Variants in ARNT observed in about 807,000 individuals in gnomAD.
ARNT encodes aryl hydrocarbon receptor nuclear translocator, also known as class E basic helix-loop-helix protein 2.
A neutral mutation model predicts 105.0 loss-of-function variants in ARNT; 30 were observed. That is an observed-to-expected ratio of 0.29 (90% CI 0.21 to 0.39). ARNT has a LOEUF of 0.39. ARNT is among the 10% of genes least tolerant of loss of function. The pLI, the probability that ARNT is intolerant of heterozygous loss-of-function variation, is 1.00. For synonymous variants in ARNT, 304 were observed against 344.0 expected (o/e 0.88, Z 1.29); for missense variants, 748 against 978.7 (o/e 0.76, Z 3.15).
intron 1 of ARNT, among the ~76,000 whole-genome samples, chr1:150,871,907 C>A (rs77495541): frequency 3.3e-3 from 131 of 40,042 alleles, no homozygotes; most frequent in Admixed American, 4.0e-3. Flanking sequence ...GACCCTGTCT[C>A]AAAAAAAAAA....
intron 1 of ARNT, among the ~76,000 whole-genome samples, chr1:150,875,659 G>A (rs1478265695): frequency 6.6e-6 from 1 of 152,200 alleles, no homozygotes; most frequent in African/African-American, 2.4e-5. Context: ...TAACATAGAG[G>A]AAAGAGGGCT....
At chr1:150,873,077 G>T (rs1201910117) in intron 1 of ARNT, among the ~76,000 whole-genome samples, 1 of 151,990 alleles carries the variant, frequency 6.6e-6, no homozygotes. Context: ...AAGGTCAGGA[G>T]ATCGAGACCA....
chr1:150,816,937 TATA>T, intron 17 of ARNT, 47 bp from the exon 18 acceptor site: 2 of 1,602,998 alleles, frequency 1.2e-6, no homozygotes, highest in African/African-American at 1.3e-5. Flanking sequence ...GGGGCTGTAG[TATA>T]TTAGTTCAGC....
At chr1:150,850,260 C>A (rs1249683588) in intron 3 of ARNT, among the ~76,000 whole-genome samples, 1 of 151,584 alleles carries the variant, frequency 6.6e-6, no homozygotes. Context: ...TCTCCATCTC[C>A]CTCTCCCCAC....
At chr1:150,830,631 C>A (rs1659197187) in intron 10 of ARNT, among the ~76,000 whole-genome samples, 1 of 152,106 alleles carries the variant, frequency 6.6e-6, no homozygotes, top group African/African-American at 2.4e-5. Context: ...ATGTTATAGG[C>A]AGAAAATTTA....
At position 150,832,315 on chromosome 1, in the gene ARNT, T is replaced by A. The variant is rs958122334; in HGVS notation, c.869+19A>T. 7 of 1,613,934 alleles carry A rather than the reference T, an allele frequency of 4.3e-6. No homozygotes were observed. The African/African-American group carries it at 9.3e-5, about 22-fold the overall frequency. ...AGGTATTTGGCCATCCCTTTGGTTT[T>A]CACCACTTAGGATCTCACCTGCATC... On this transcript the variant is annotated intron_variant, in intron 9 of 21. Transcript: ENST00000358595.
intron 2 of ARNT, among the ~76,000 whole-genome samples, chr1:150,853,442 C>T (rs1015381216): frequency 3.9e-5 from 6 of 152,096 alleles, no homozygotes; most frequent in East Asian, 1.9e-4. Context: ...AAAAAATTAA[C>T]GTAAATAATT....
chr1:150,817,254 A>G, intron 16 of ARNT, 52 bp from the exon 17 acceptor site: 2 of 1,612,670 alleles, frequency 1.2e-6, no homozygotes, highest in Non-Finnish European at 1.7e-6. Flanking sequence ...ATGACAATTC[A>G]ATAACCCTAA....
At chr1:150,830,100 T>C (rs1246029197) in intron 10 of ARNT, 120 bp from the exon 11 acceptor site, 2 of 1,121,008 alleles carry the variant, frequency 1.8e-6, no homozygotes, top group Admixed American at 4.5e-5. Context: ...GGCTGACGCC[T>C]GTAATCCCAA....
Position 150,829,889 on chromosome 1 carries a change from A to G in ARNT, c.1032+15T>C, listed in dbSNP as rs775388830. ...TAATTGAACGGGAATATAGATGTGG[A>G]AAATTCATACTTGCCTGCAATCTGC... is the stretch of plus-strand genomic sequence containing the variant. On this transcript the variant is annotated intron_variant, in intron 11 of 21. Coordinates refer to ENST00000358595, the MANE Select transcript of ARNT (RefSeq NM_001668.4). 6.2e-7 allele frequency: 1 copy of G among 1,614,058 alleles called. No homozygotes were observed. The highest frequency in any genetic ancestry group is 8.5e-7 in the Non-Finnish European group (1 of 1,179,880).
intron 3 of ARNT, among the ~76,000 whole-genome samples, chr1:150,850,311 A>G (rs899806275): frequency 2.1e-4 from 32 of 150,950 alleles, no homozygotes; most frequent in African/African-American, 6.6e-4. Context: ...CTCTCTTTCC[A>G]CGGTCTCCCT....
intron 1 of ARNT, among the ~76,000 whole-genome samples, chr1:150,863,141 A>G (rs1186863108): frequency 6.6e-6 from 1 of 151,894 alleles, no homozygotes; most frequent in African/African-American, 2.4e-5. Context: ...AGGTGGGTAG[A>G]TCACTTAAGG....
intron 19 of ARNT, 75 bp from the exon 20 acceptor site, chr1:150,814,314 C>A: frequency 1.4e-6 from 2 of 1,417,678 alleles, no homozygotes; most frequent in South Asian, 1.3e-5. Flanking sequence ...CTATGAGAGT[C>A]AACACTGTCA....
chr1:150,876,312 G>GC (rs1257843120), intron 1 of ARNT, among the ~76,000 whole-genome samples: 1 of 152,112 alleles, frequency 6.6e-6, no homozygotes, highest in East Asian at 1.9e-4. Flanking sequence ...AGGACAGGGA[G>GC]CCCCCCTCAA....
At chr1:150,820,349 T>A (rs587725599) in intron 14 of ARNT, among the ~76,000 whole-genome samples, 22 of 152,342 alleles carry the variant, frequency 1.4e-4, no homozygotes, top group African/African-American at 5.3e-4. Flanking sequence ...CAGGACCTAG[T>A]CTCTGAATTA....
intron 11 of ARNT, 35 bp from the exon 12 acceptor site, chr1:150,829,262 T>C (rs1658875852): frequency 6.3e-7 from 1 of 1,594,618 alleles, no homozygotes; most frequent in Non-Finnish European, 8.6e-7. Context: ...GGTAAAATGA[T>C]ACCATTATTT....
chr1:150,862,573 C>T (rs996942056), intron 1 of ARNT, among the ~76,000 whole-genome samples: 1 of 119,398 alleles, frequency 8.4e-6, no homozygotes, highest in Non-Finnish European at 2.1e-5. Flanking sequence ...AACACTTTTT[C>T]CATTAAAAAA....
At position 150,812,028 on chromosome 1, in the gene ARNT, GA is replaced by G; in HGVS notation, c.2362del (p.Ser788GlnfsTer21). Reference protein sequence around the residue: ...FPDLTMFPPFSE With the variant: ...FPDLTMFPPFXE ...ATCCTCACCCCAATAGTTCTATTCT[GA>G]AAAGGGGGGAAACATAGTTAGATCA... On this transcript the variant is annotated frameshift_variant, in exon 22 of 22. Coordinates refer to ENST00000358595, the MANE Select transcript of ARNT (RefSeq NM_001668.4). LOFTEE classifies it high-confidence loss of function. 1.3e-6 allele frequency: 2 copies of G among 1,557,074 alleles called. No individual in the cohort carries two copies. Among genetic ancestry groups the G allele is most frequent in the East Asian group, 2.4e-5 (1 of 41,286 alleles).
chr1:150,864,695 T>C (rs903425104), intron 1 of ARNT, among the ~76,000 whole-genome samples: 5 of 148,230 alleles, frequency 3.4e-5, no homozygotes, highest in Non-Finnish European at 6.0e-5. Context: ...CGCACCAGCA[T>C]GGCACATGTA....
Sources: gnomAD v4.1 joint callset for allele counts (sites outside exome capture counted in the v4.1 genomes callset) on GRCh38, gnomAD v4.1.1 for gene constraint, MANE v1.5 for transcripts, NCBI Gene and HGNC (gene_info 2026-07-23, HGNC 2026-07-21) for gene names.